RTTN: variants seen among roughly 807,000 people sequenced by gnomAD.
RTTN encodes rotatin.
RTTN carries 182 observed loss-of-function variants against 269.2 expected under a neutral mutation model. That is an observed-to-expected ratio of 0.68 (90% CI 0.60 to 0.76). RTTN has a LOEUF of 0.76. RTTN is among the 30% of genes least tolerant of loss of function. RTTN has a pLI of 0.00. For missense variants in RTTN, 2,545 were observed against 2,608.6 expected (o/e 0.98, Z 0.53); for synonymous variants, 1,006 against 963.5 (o/e 1.04, Z -0.82).
chr18:70,052,209 C>G (rs1359055301), intron 38 of RTTN, among the ~76,000 whole-genome samples: 1 of 152,154 alleles, frequency 6.6e-6, no homozygotes, highest in Non-Finnish European at 1.5e-5. Context: ...GATCTGTCAT[C>G]TTTTATCTAA....
intron 40 of RTTN, among the ~76,000 whole-genome samples, chr18:70,042,616 T>A (rs1217598371): frequency 1.3e-5 from 2 of 152,024 alleles, no homozygotes; most frequent in East Asian, 3.9e-4. Flanking sequence ...GACCTCGTGA[T>A]CCGCCCGCCT....
At chr18:70,107,556 C>T (rs892607082) in intron 28 of RTTN, among the ~76,000 whole-genome samples, 5 of 152,136 alleles carry the variant, frequency 3.3e-5, no homozygotes, top group African/African-American at 1.2e-4. Flanking sequence ...TAAGGCCATG[C>T]TTAGAGGATT....
At chr18:70,139,492 G>A (rs1217214615) in intron 21 of RTTN, 107 bp downstream of exon 21, 1 of 688,906 alleles carries the variant, frequency 1.5e-6, no homozygotes, top group Non-Finnish European at 2.5e-6. Context: ...ACTAATAAAT[G>A]CTGTTGTTCT....
chr18:70,160,897 A>G (rs78470726), intron 14 of RTTN, among the ~76,000 whole-genome samples: 1 of 152,200 alleles, frequency 6.6e-6, no homozygotes, highest in African/African-American at 2.4e-5. Context: ...GGAAGAATCA[A>G]TATTGTTAAA....
At chr18:70,054,099 C>T (rs751741229) in intron 38 of RTTN, 32 bp downstream of exon 38, 2 of 1,574,480 alleles carry the variant, frequency 1.3e-6, no homozygotes, top group African/African-American at 2.7e-5. Context: ...GTATTATTCA[C>T]TTACATTCTA....
chr18:70,204,432 CTA>C (rs1377854886), intron 2 of RTTN, among the ~76,000 whole-genome samples, 169 bp from the exon 3 acceptor site: 1 of 152,202 alleles, frequency 6.6e-6, no homozygotes, highest in African/African-American at 2.4e-5. Flanking sequence ...GCACATACAC[CTA>C]TAGAGACATA....
intron 3 of RTTN, 45 bp from the exon 4 acceptor site, chr18:70,202,028 C>A: frequency 9.0e-7 from 1 of 1,106,386 alleles, no homozygotes; most frequent in South Asian, 1.4e-5. Context: ...TCCTTATTTG[C>A]TAAAAGTGAA....
chr18:70,084,891 T>C (rs1205217443), intron 32 of RTTN, among the ~76,000 whole-genome samples: 1 of 152,216 alleles, frequency 6.6e-6, no homozygotes, highest in Non-Finnish European at 1.5e-5. Flanking sequence ...ACCAATAAAC[T>C]GCAGTAAGCA....
intron 40 of RTTN, among the ~76,000 whole-genome samples, chr18:70,041,932 C>T (rs2057353172): frequency 6.6e-6 from 1 of 151,918 alleles, no homozygotes; most frequent in Non-Finnish European, 1.5e-5. Flanking sequence ...CAAAATAACC[C>T]CCATTGGTCC....
chr18:70,185,868 T>C (rs983452005), intron 10 of RTTN, among the ~76,000 whole-genome samples: 1 of 152,028 alleles, frequency 6.6e-6, no homozygotes, highest in African/African-American at 2.4e-5. Flanking sequence ...TGTATTTCTA[T>C]ATACTAACAA....
chr18:70,164,292 A>ACCTTGACCTC (rs71178856), intron 14 of RTTN, among the ~76,000 whole-genome samples: 121,588 of 149,736 alleles, frequency 0.81, 52,580 homozygotes, highest in East Asian at 1. Flanking sequence ...AGCTCTCTGT[A>ACCTTGACCTC]CCTTGACCTC....
In RTTN at chr18:70,149,002, G is replaced by A; in HGVS notation, c.2208C>T (p.Cys736=). ...AACTTGCTTTGCTTAGAAGGAGAAT[G>A]CAGTTACCCAGAGGATCTTCTGTGT... ...YADTEDPLGN[C]ILLLSKASSD... is the part of the protein sequence containing the mutation. Residue 736 remains cysteine, a synonymous_variant, in exon 17 of 49, where the codon TGC becomes TGT. Coordinates refer to ENST00000640769, the MANE Select transcript of RTTN (RefSeq NM_173630.4). The A allele has an allele frequency of 6.2e-7, 1 of 1,613,454 alleles. No homozygotes were observed. Among genetic ancestry groups the A allele is most frequent in the African/African-American group, 1.3e-5 (1 of 74,990 alleles).
At chr18:70,137,347 C>A (rs931022781) in intron 21 of RTTN, among the ~76,000 whole-genome samples, 15 of 152,208 alleles carry the variant, frequency 9.9e-5, no homozygotes, top group African/African-American at 3.6e-4. Context: ...TAATTTCTAA[C>A]CCTGAAATAC....
At chr18:70,159,409 A>G (rs950921427) in intron 14 of RTTN, among the ~76,000 whole-genome samples, 5 of 152,186 alleles carry the variant, frequency 3.3e-5, no homozygotes, top group African/African-American at 1.2e-4. Flanking sequence ...GAAACACAAT[A>G]TATCAGAATC....
chr18:70,188,323 C>T, intron 9 of RTTN, 100 bp from the exon 10 acceptor site: 1 of 660,546 alleles, frequency 1.5e-6, no homozygotes. Flanking sequence ...TAGTCATGCT[C>T]CAACATTTTC....
intron 40 of RTTN, among the ~76,000 whole-genome samples, chr18:70,044,940 A>C (rs1198889529): frequency 1.3e-5 from 2 of 152,214 alleles, no homozygotes; most frequent in African/African-American, 4.8e-5. Context: ...GAGTAACTGA[A>C]GCTATAAAAG....
At chr18:70,201,129 T>C (rs1167297688) in intron 4 of RTTN, among the ~76,000 whole-genome samples, 3 of 152,180 alleles carry the variant, frequency 2.0e-5, no homozygotes, top group African/African-American at 7.2e-5. Context: ...GAGATGAGAT[T>C]CCAGATTCCA....
intron 28 of RTTN, among the ~76,000 whole-genome samples, chr18:70,100,424 T>C (rs1449544631): frequency 1.3e-5 from 2 of 152,236 alleles, no homozygotes; most frequent in Non-Finnish European, 2.9e-5. Flanking sequence ...GCACATTGAT[T>C]TTTTGTATCC....
chr18:70,091,151 C>A (rs2058834490), intron 30 of RTTN, among the ~76,000 whole-genome samples: 2 of 152,202 alleles, frequency 1.3e-5, no homozygotes, highest in South Asian at 4.1e-4. Context: ...AGATTTTGGA[C>A]TTTAGACTTT....
Sources: gnomAD v4.1 joint callset for allele counts (sites outside exome capture counted in the v4.1 genomes callset) on GRCh38, gnomAD v4.1.1 for gene constraint, MANE v1.5 for transcripts, NCBI Gene and HGNC (gene_info 2026-07-23, HGNC 2026-07-21) for gene names.